KLRG1: variants seen among roughly 807,000 people sequenced by gnomAD.
The protein encoded by KLRG1 is killer cell lectin like receptor G1, also known as killer cell lectin-like receptor subfamily G member 1.
In KLRG1, 16 loss-of-function variants were observed where a neutral mutation model predicts 21.8. The ratio of observed to expected loss-of-function variants is 0.73; its 90% CI spans 0.50 to 1.11. The LOEUF (loss-of-function observed/expected upper bound fraction) is 1.11, where lower values mean the gene tolerates loss of function less well. KLRG1 is among the 50% of genes most tolerant of loss of function. The pLI, the probability that KLRG1 is intolerant of heterozygous loss-of-function variation, is 0.00. For missense variants in KLRG1, 173 were observed against 218.3 expected, an observed-to-expected ratio of 0.79 and a Z score of 1.31; for synonymous variants, 69 against 75.9, an observed-to-expected ratio of 0.91 and a Z score of 0.47.
the KLRG1 span, among the ~76,000 whole-genome samples, chr12:9,044,623 C>T: frequency 3.7e-3 from 570 of 152,144 alleles, 5 homozygotes; most frequent in African/African-American, 0.013. Flanking sequence ...GCCGAGATCA[C>T]CCTATTGCAC....
At chr12:9,079,280 A>G in the KLRG1 span, 3 of 1,613,608 alleles carry the variant, frequency 1.9e-6, no homozygotes, top group Non-Finnish European at 2.5e-6. Context: ...TCGCTCCCCA[A>G]AGGTGCTGTA....
chr12:8,995,884 A>G (rs376264581), intron 3 of KLRG1, among the ~76,000 whole-genome samples: 12 of 152,076 alleles, frequency 7.9e-5, no homozygotes, highest in Middle Eastern at 3.4e-3. Context: ...GGATTTCACC[A>G]TGTTAGCCAG....
the KLRG1 span, chr12:9,095,484 T>G: frequency 6.6e-7 from 1 of 1,513,998 alleles, no homozygotes; most frequent in Non-Finnish European, 9.1e-7. Flanking sequence ...CTCTTTTCCA[T>G]GTGTAATATT....
At chr12:9,200,984 A>T in the KLRG1 span, 10 of 1,614,050 alleles carry the variant, frequency 6.2e-6, no homozygotes, top group African/African-American at 1.3e-5. Context: ...CTCTGATGAG[A>T]GGGGAAAGGA....
the KLRG1 span, chr12:9,160,287 A>G: frequency 1.3e-6 from 2 of 1,578,140 alleles, no homozygotes; most frequent in Middle Eastern, 1.7e-4. Context: ...TAGAGTAACA[A>G]AGTAAATTTT....
chr12:9,105,556 T>G, the KLRG1 span, among the ~76,000 whole-genome samples: 4 of 152,196 alleles, frequency 2.6e-5, no homozygotes, highest in Non-Finnish European at 5.9e-5. Flanking sequence ...TTGAGGCACA[T>G]GTAACTGTGA....
chr12:9,200,792 C>G, the KLRG1 span: 18 of 1,272,954 alleles, frequency 1.4e-5, no homozygotes, highest in Non-Finnish European at 1.9e-5. Context: ...TCTGACTCTA[C>G]TGCAAGTTCA....
chr12:8,970,917 C>T (rs1022776089), intron 1 of KLRG1, among the ~76,000 whole-genome samples: 52 of 152,146 alleles, frequency 3.4e-4, no homozygotes, highest in African/African-American at 1.3e-3. Context: ...ACATTGATTG[C>T]TTTTAGAATG....
At chr12:9,112,624 G>A in the KLRG1 span, 3 of 1,455,154 alleles carry the variant, frequency 2.1e-6, no homozygotes, top group African/African-American at 4.2e-5. Flanking sequence ...TGGAGATCTT[G>A]CCCTTCTTAC....
At chr12:9,008,680 C>T (rs1272903490) in intron 3 of KLRG1, among the ~76,000 whole-genome samples, 1 of 152,088 alleles carries the variant, frequency 6.6e-6, no homozygotes, top group Non-Finnish European at 1.5e-5. Flanking sequence ...ATCTCTTCCT[C>T]CTCTTATAAG....
the KLRG1 span, chr12:9,101,183 G>A: frequency 1.5e-5 from 23 of 1,561,168 alleles, no homozygotes; most frequent in Non-Finnish European, 1.5e-5. Flanking sequence ...GTCCCAGTTC[G>A]GACAATGCCT....
the KLRG1 span, among the ~76,000 whole-genome samples, chr12:9,134,827 A>C: frequency 2.6e-5 from 4 of 152,216 alleles, no homozygotes; most frequent in African/African-American, 9.6e-5. Flanking sequence ...GGGTGGAGGC[A>C]GCTGGGGAGG....
the KLRG1 span, among the ~76,000 whole-genome samples, chr12:9,027,129 G>A: frequency 0.01 from 1,554 of 151,754 alleles, 25 homozygotes; most frequent in African/African-American, 0.036. Context: ...ATTAACATAT[G>A]CATTACTTCA....
At chr12:9,202,287 C>T in the KLRG1 span, 2 of 1,588,414 alleles carry the variant, frequency 1.3e-6, no homozygotes, top group Non-Finnish European at 1.7e-6. Context: ...CCACTCTACC[C>T]ACAACCCAAA....
At chr12:9,211,332 A>G in the KLRG1 span, among the ~76,000 whole-genome samples, 1 of 151,852 alleles carries the variant, frequency 6.6e-6, no homozygotes, top group Non-Finnish European at 1.5e-5. Context: ...AACTATTTAC[A>G]TGACCTGTCT....
chr12:8,961,973 C>G (rs1946389201), intron 1 of KLRG1, among the ~76,000 whole-genome samples: 1 of 152,108 alleles, frequency 6.6e-6, no homozygotes, highest in Non-Finnish European at 1.5e-5. Context: ...GTAGTCCCAG[C>G]TACACAGGAG....
chr12:9,201,035 T>G, the KLRG1 span: 1 of 1,614,054 alleles, frequency 6.2e-7, no homozygotes. Context: ...ACTCTGCCAT[T>G]GTGCAATTCG....
chr12:9,043,191 C>T, the KLRG1 span, among the ~76,000 whole-genome samples: 1 of 151,890 alleles, frequency 6.6e-6, no homozygotes. Context: ...TTCTCCCTGC[C>T]TCAGCCTCCC....
chr12:9,161,050 G>A, the KLRG1 span: 10 of 1,595,278 alleles, frequency 6.3e-6, 1 homozygote, highest in South Asian at 7.7e-5. Flanking sequence ...TGAGAAAGAA[G>A]CTCTGGCAGA....
Sources: gnomAD v4.1 joint callset for allele counts (sites outside exome capture counted in the v4.1 genomes callset) on GRCh38, gnomAD v4.1.1 for gene constraint, MANE v1.5 for transcripts, NCBI Gene and HGNC (gene_info 2026-07-23, HGNC 2026-07-21) for gene names.